HDAC9: variants seen among roughly 807,000 people sequenced by gnomAD.
HDAC9 encodes MEF-2 interacting transcription repressor (MITR) protein.
HDAC9 carries 41 observed loss-of-function variants against 139.4 expected under a neutral mutation model. The ratio of observed to expected loss-of-function variants is 0.29; its 90% CI spans 0.23 to 0.38. The LOEUF is 0.38. Ranked by LOEUF, HDAC9 falls within the 10% of genes least tolerant of loss-of-function variation. The pLI is 1.00. For missense variants in HDAC9, 1,147 were observed against 1,297.0 expected (o/e 0.88, Z 1.78); for synonymous variants, 517 against 476.2 (o/e 1.09, Z -1.12).
intron 24 of HDAC9, among the ~76,000 whole-genome samples, chr7:18,955,472 TATC>T (rs1438628389): frequency 6.6e-6 from 1 of 152,190 alleles, no homozygotes; most frequent in Non-Finnish European, 1.5e-5. Context: ...TACATATTAT[TATC>T]TTTTTCTGAG....
chr7:18,632,980 A>C (rs372692528), intron 7 of HDAC9, among the ~76,000 whole-genome samples: 97 of 152,184 alleles, frequency 6.4e-4, no homozygotes, highest in Middle Eastern at 3.4e-3. Context: ...TGAGTTTTAC[A>C]CATATGTAGG....
chr7:18,290,185 T>C, upstream of HDAC9: 1 of 247,322 alleles, frequency 4.0e-6, no homozygotes, highest in Non-Finnish European at 8.2e-6. Context: ...TGTAGTCTAT[T>C]AGGCTTCTTA....
chr7:18,830,818 G>A (rs764028901), intron 19 of HDAC9, among the ~76,000 whole-genome samples: 1 of 152,160 alleles, frequency 6.6e-6, no homozygotes, highest in East Asian at 1.9e-4. Context: ...AAAGAAATGT[G>A]TTGAAGGCCT....
At chr7:18,841,268 T>G (rs1247676397) in intron 21 of HDAC9, among the ~76,000 whole-genome samples, 1 of 152,080 alleles carries the variant, frequency 6.6e-6, no homozygotes. Flanking sequence ...GCATTCACTC[T>G]TTTGGTAATG....
At chr7:18,299,743 C>T (rs1011343657) in intron 1 of HDAC9, among the ~76,000 whole-genome samples, 10 of 152,148 alleles carry the variant, frequency 6.6e-5, no homozygotes, top group South Asian at 2.1e-4. Context: ...GTATGATTGG[C>T]GGAGGGGTAA....
intron 23 of HDAC9, among the ~76,000 whole-genome samples, chr7:18,946,900 C>A (rs992758435): frequency 5.9e-5 from 9 of 151,798 alleles, no homozygotes; most frequent in Non-Finnish European, 1.2e-4. Flanking sequence ...TAAAAATAGA[C>A]CGTATATGGA....
chr7:18,300,808 G>A (rs1798488945), intron 1 of HDAC9, among the ~76,000 whole-genome samples: 1 of 152,074 alleles, frequency 6.6e-6, no homozygotes. Context: ...AGACAAAGAT[G>A]ATTTTGTATA....
At chr7:18,613,727 G>T (rs1460861733) in intron 6 of HDAC9, among the ~76,000 whole-genome samples, 1 of 152,050 alleles carries the variant, frequency 6.6e-6, no homozygotes, top group Non-Finnish European at 1.5e-5. Context: ...TTATAAAAAT[G>T]TGTATCATCT....
chr7:18,613,368 C>CT lies in HDAC9; in HGVS notation c.665-15980dup, dbSNP rs750158198. ...GGAGGCGAGCAAATTTTTACTCACA[C>CT]TTAACACTGGGCTGGAAGTTGTGGT... On this transcript the variant is annotated intron_variant, in intron 6 of 25. Transcript: ENST00000686413. Among the ~76,000 whole-genome samples, 20 of 152,082 alleles carry CT rather than the reference C, an allele frequency of 1.3e-4. No individual in the cohort carries two copies. The East Asian group carries it at 3.7e-3, about 28-fold the overall frequency.
chr7:18,872,263 A>C (rs1409826944), intron 21 of HDAC9, among the ~76,000 whole-genome samples: 1 of 152,168 alleles, frequency 6.6e-6, no homozygotes, highest in Non-Finnish European at 1.5e-5. Context: ...TAGGCCTATA[A>C]GGTGAAGGAA....
intron 1 of HDAC9, among the ~76,000 whole-genome samples, chr7:18,404,423 G>T (rs145436071): frequency 6.6e-6 from 1 of 152,254 alleles, no homozygotes; most frequent in Non-Finnish European, 1.5e-5. Flanking sequence ...ATGAGAATAG[G>T]TTGTATATTG....
chr7:18,743,602 G>C (rs1394278616), intron 13 of HDAC9, among the ~76,000 whole-genome samples: 1 of 137,320 alleles, frequency 7.3e-6, no homozygotes, highest in African/African-American at 2.6e-5. Context: ...GTGAGACTGC[G>C]TCTCAAAAAA....
chr7:18,416,053 T>C (rs940703184), intron 1 of HDAC9, among the ~76,000 whole-genome samples: 2 of 152,112 alleles, frequency 1.3e-5, no homozygotes, highest in African/African-American at 4.8e-5. Context: ...CAAAACTTTG[T>C]GAGGCCAAGG....
At chr7:18,368,810 A>G (rs1375262123) in intron 1 of HDAC9, among the ~76,000 whole-genome samples, 1 of 152,108 alleles carries the variant, frequency 6.6e-6, no homozygotes, top group Non-Finnish European at 1.5e-5. Context: ...AAAGAGAGAA[A>G]TGCCTCTCTG....
chr7:18,935,893 C>A lies in HDAC9; in HGVS notation c.2888C>A (p.Ala963Asp), dbSNP rs778848407. Residue 963 changes from alanine (A) to aspartate (D), a missense_variant, in exon 23 of 26, where the codon GCC (alanine) becomes GAC (aspartate). Ala to Asp is a moderately radical substitution (Grantham distance 126). Around this residue, in one of 7 missense-constraint regions of HDAC9, gnomAD observed 407 missense variants for 521.5 expected, o/e 0.78. Transcript: ENST00000686413. Reference sequence around the variant, plus strand: ...CTAGAAGGAGGACATGATCTCACAGCCATCTGTGATGCATCAGAAGCCTGT... The same window carrying A: ...CTAGAAGGAGGACATGATCTCACAGACATCTGTGATGCATCAGAAGCCTGT... The part of the protein sequence containing the change: ...LALEGGHDLT[A>D]ICDASEACVN... The A allele has an allele frequency of 1.2e-6, 2 of 1,613,240 alleles. No homozygotes were observed. The highest frequency in any genetic ancestry group is 1.3e-5 in the African/African-American group (1 of 74,864).
chr7:18,575,018 G>C (rs1015511476), intron 2 of HDAC9, among the ~76,000 whole-genome samples: 3 of 152,346 alleles, frequency 2.0e-5, no homozygotes, highest in Middle Eastern at 3.4e-3. Context: ...CCATGGAGTG[G>C]GCAGCCCCCG....
At chr7:18,794,854 A>C (rs147238056) in intron 17 of HDAC9, among the ~76,000 whole-genome samples, 1 of 152,244 alleles carries the variant, frequency 6.6e-6, no homozygotes, top group Non-Finnish European at 1.5e-5. Flanking sequence ...TTTAAAGATT[A>C]TGCTGGCACA....
At chr7:18,966,186 A>G (rs937074649) in intron 24 of HDAC9, among the ~76,000 whole-genome samples, 5 of 152,264 alleles carry the variant, frequency 3.3e-5, no homozygotes, top group African/African-American at 4.8e-5. Context: ...TATACAAAAT[A>G]CAATTGATAA....
chr7:18,866,507 G>A (rs894086479), intron 21 of HDAC9, among the ~76,000 whole-genome samples: 2 of 152,070 alleles, frequency 1.3e-5, no homozygotes, highest in African/African-American at 4.8e-5. Context: ...TACACTGTGT[G>A]TGCCTGGGTT....
Sources: allele counts gnomAD v4.1 joint callset (sites outside exome capture counted in the v4.1 genomes callset), GRCh38; gene constraint gnomAD v4.1.1; regional missense constraint gnomAD v4.1.1; transcripts MANE v1.5; gene names NCBI Gene and HGNC (gene_info 2026-07-23, HGNC 2026-07-21).